ANKS1B: variants seen among roughly 807,000 people sequenced by gnomAD.
ANKS1B encodes the protein ankyrin repeat and sterile alpha motif domain-containing protein 1B.
In ANKS1B, 36 loss-of-function variants were observed where a neutral mutation model predicts 148.3. The ratio of observed to expected loss-of-function variants is 0.24; its 90% CI spans 0.19 to 0.32. The LOEUF (loss-of-function observed/expected upper bound fraction) is 0.32. ANKS1B is among the 10% of genes least tolerant of loss of function. The pLI is 1.00. For synonymous variants in ANKS1B, 542 were observed against 560.8 expected, an observed-to-expected ratio of 0.97 and a Z score of 0.47; for missense variants, 1,157 against 1,542.6, an observed-to-expected ratio of 0.75 and a Z score of 4.19.
At chr12:98,769,486 GT>G (rs763750335) in intron 25 of ANKS1B, among the ~76,000 whole-genome samples, 13 of 152,068 alleles carry the variant, frequency 8.5e-5, no homozygotes, top group Non-Finnish European at 1.5e-4. Context: ...TCCTAAGCTA[GT>G]AATGTTTACA....
chr12:99,495,794 T>C (rs1366609169), intron 10 of ANKS1B, among the ~76,000 whole-genome samples: 1 of 152,226 alleles, frequency 6.6e-6, no homozygotes, highest in Non-Finnish European at 1.5e-5. Flanking sequence ...TAAACATTTG[T>C]TCTAGTCCAG....
intron 15 of ANKS1B, among the ~76,000 whole-genome samples, chr12:99,133,834 C>T (rs188522852): frequency 4.5e-4 from 68 of 152,164 alleles, no homozygotes; most frequent in African/African-American, 1.4e-3. Flanking sequence ...ACGATGATAA[C>T]TAGCGCCTGA....
intron 9 of ANKS1B, among the ~76,000 whole-genome samples, chr12:99,507,794 A>G (rs1419229215): frequency 1.3e-5 from 2 of 151,840 alleles, no homozygotes; most frequent in African/African-American, 4.8e-5. Context: ...CTGACAAGTG[A>G]CCGTCAAAAG....
chr12:99,499,310 A>G (rs533660484), intron 10 of ANKS1B, among the ~76,000 whole-genome samples: 1 of 152,300 alleles, frequency 6.6e-6, no homozygotes, highest in Non-Finnish European at 1.5e-5. Flanking sequence ...GCCTGGGTCA[A>G]CTGAGCAAAC....
intron 17 of ANKS1B, among the ~76,000 whole-genome samples, chr12:98,974,279 T>C (rs2099888023): frequency 6.6e-6 from 1 of 152,180 alleles, no homozygotes; most frequent in South Asian, 2.1e-4. Flanking sequence ...AACATGAGTC[T>C]TACAGCTCCA....
intron 1 of ANKS1B, among the ~76,000 whole-genome samples, chr12:99,851,840 T>C (rs918928012): frequency 5.6e-4 from 86 of 152,224 alleles, no homozygotes; most frequent in African/African-American, 2.0e-3. Context: ...ACTGTGGTGG[T>C]TTTCAAACTA....
chr12:99,040,236 T>C (rs1420511633), intron 17 of ANKS1B, among the ~76,000 whole-genome samples: 1 of 152,108 alleles, frequency 6.6e-6, no homozygotes, highest in African/African-American at 2.4e-5. Context: ...GCACCCTCTC[T>C]GTTCTCTCTC....
chr12:99,072,517 C>T (rs1254916102), intron 16 of ANKS1B, among the ~76,000 whole-genome samples: 1 of 152,036 alleles, frequency 6.6e-6, no homozygotes, highest in Admixed American at 6.6e-5. Context: ...ACTAAAAGCT[C>T]AAGAGAGTTA....
intron 12 of ANKS1B, among the ~76,000 whole-genome samples, chr12:99,322,449 C>A (rs930889798): frequency 6.9e-6 from 1 of 144,940 alleles, no homozygotes; most frequent in Non-Finnish European, 1.5e-5. Flanking sequence ...AACCTGCACA[C>A]TCTGTATATG....
At chr12:99,379,813 T>C (rs1051872350) in intron 12 of ANKS1B, among the ~76,000 whole-genome samples, 10 of 152,246 alleles carry the variant, frequency 6.6e-5, no homozygotes, top group Admixed American at 1.3e-4. Context: ...TAAGACATTT[T>C]CCTAGCTGTA....
At chr12:99,730,898 T>C (rs1476250025) in intron 8 of ANKS1B, among the ~76,000 whole-genome samples, 1 of 152,108 alleles carries the variant, frequency 6.6e-6, no homozygotes, top group Admixed American at 6.5e-5. Context: ...TGGTATGTTG[T>C]TGGGTATTTT....
chr12:99,611,280 C>G (rs2097900291), intron 9 of ANKS1B, among the ~76,000 whole-genome samples: 1 of 152,082 alleles, frequency 6.6e-6, no homozygotes, highest in African/African-American at 2.4e-5. Flanking sequence ...TTCAGATACT[C>G]TAGACAGAGC....
chr12:99,666,641 A>C (rs1456761920), intron 8 of ANKS1B, among the ~76,000 whole-genome samples: 2 of 152,164 alleles, frequency 1.3e-5, no homozygotes, highest in African/African-American at 4.8e-5. Context: ...TTAAATATGA[A>C]GGGGTAAACA....
At chr12:99,706,988 C>T (rs2055892856) in intron 8 of ANKS1B, among the ~76,000 whole-genome samples, 1 of 152,072 alleles carries the variant, frequency 6.6e-6, no homozygotes, top group South Asian at 2.1e-4. Context: ...TGTGAGAGAA[C>T]ATGAAACACA....
intron 14 of ANKS1B, among the ~76,000 whole-genome samples, chr12:99,163,371 A>G (rs1037814453): frequency 6.6e-6 from 1 of 151,962 alleles, no homozygotes; most frequent in African/African-American, 2.4e-5. Flanking sequence ...GACATCCTGT[A>G]TGACTTTAGC....
intron 1 of ANKS1B, among the ~76,000 whole-genome samples, chr12:99,912,119 G>A (rs1322505773): frequency 6.6e-6 from 1 of 152,196 alleles, no homozygotes; most frequent in Non-Finnish European, 1.5e-5. Context: ...CTTTTATAAG[G>A]TGTCTGTGGA....
intron 12 of ANKS1B, among the ~76,000 whole-genome samples, chr12:99,319,045 A>G (rs750999346): frequency 1.1e-4 from 16 of 152,076 alleles, no homozygotes; most frequent in Non-Finnish European, 2.2e-4. Flanking sequence ...ATGGTTTGTT[A>G]TAAGTTCTCT....
intron 12 of ANKS1B, among the ~76,000 whole-genome samples, chr12:99,295,006 C>T (rs1017396263): frequency 2.6e-5 from 4 of 152,228 alleles, no homozygotes; most frequent in Middle Eastern, 3.4e-3. Flanking sequence ...GATAGATAGC[C>T]CATTTACCCT....
At chr12:99,235,463 A>G (rs1298535661) in intron 14 of ANKS1B, among the ~76,000 whole-genome samples, 1 of 152,166 alleles carries the variant, frequency 6.6e-6, no homozygotes, top group Non-Finnish European at 1.5e-5. Context: ...TTGATAAGAA[A>G]AGAAATTCTT....
Sources: allele counts gnomAD v4.1 joint callset (sites outside exome capture counted in the v4.1 genomes callset), GRCh38; gene constraint gnomAD v4.1.1; transcripts MANE v1.5; gene names NCBI Gene and HGNC (gene_info 2026-07-23, HGNC 2026-07-21).